LRFN2: variants seen among roughly 807,000 people sequenced by gnomAD.
The protein encoded by LRFN2 is leucine-rich repeat and fibronectin type-III domain-containing protein 2.
A neutral mutation model predicts 37.3 loss-of-function variants in LRFN2; 18 were observed. That is an observed-to-expected ratio of 0.48 (90% CI 0.33 to 0.72). LRFN2 has a LOEUF of 0.72. LRFN2 is among the 30% of genes least tolerant of loss of function. LRFN2 has a pLI of 0.02. For missense variants in LRFN2, 1,006 were observed against 1,060.7 expected (o/e 0.95, Z 0.72); for synonymous variants, 556 against 466.6 (o/e 1.19, Z -2.47).
chr6:40,405,493 G>A (rs147982709), intron 2 of LRFN2, among the ~76,000 whole-genome samples: 3 of 152,246 alleles, frequency 2.0e-5, no homozygotes, highest in East Asian at 1.9e-4. Flanking sequence ...GTCAGTGCCC[G>A]GCACAGAGTA....
intron 1 of LRFN2, among the ~76,000 whole-genome samples, chr6:40,567,795 T>A (rs2113792609): frequency 6.6e-6 from 1 of 152,198 alleles, no homozygotes; most frequent in East Asian, 1.9e-4. Context: ...TCTGACAGGG[T>A]CAAGGGGCAG....
intron 1 of LRFN2, among the ~76,000 whole-genome samples, chr6:40,524,670 G>T (rs545558641): frequency 1.3e-5 from 2 of 152,204 alleles, no homozygotes; most frequent in East Asian, 3.9e-4. Flanking sequence ...CTTTCTTTTT[G>T]TCTTTAAAGG....
intron 1 of LRFN2, among the ~76,000 whole-genome samples, chr6:40,501,288 C>G (rs576109608): frequency 4.6e-5 from 7 of 151,862 alleles, no homozygotes; most frequent in African/African-American, 1.7e-4. Flanking sequence ...TCTTTTTACC[C>G]TTGCCTGCAC....
intron 1 of LRFN2, among the ~76,000 whole-genome samples, chr6:40,467,166 A>AGATGATGATGAT (rs35088407): frequency 1.8e-4 from 27 of 148,674 alleles, no homozygotes; most frequent in African/African-American, 2.5e-4. Flanking sequence ...AAGTTGAATG[A>AGATGATGATGAT]GATGATGATG....
Position 40,432,628 on chromosome 6 carries a change from A to G in LRFN2, c.486T>C (p.His162=), listed in dbSNP as rs780904573. Residue 162 remains histidine, a synonymous_variant, in exon 2 of 3, where the codon CAT becomes CAC. Coordinates refer to ENST00000338305, the MANE Select transcript of LRFN2 (RefSeq NM_020737.3). The part of the protein sequence containing the change: ...EDLDLSYNNL[H]GLPWDSVRRM... ...GTCGCACGGAGTCCCACGGCAGGCC[A>G]TGGAGGTTGTTGTAGGAGAGGTCCA... The G allele has an allele frequency of 3.7e-6, 6 of 1,614,204 alleles. No individual in the cohort carries two copies. The South Asian group carries it at 6.6e-5, about 18-fold the overall frequency.
At chr6:40,436,412 C>T (rs11758872) in intron 1 of LRFN2, among the ~76,000 whole-genome samples, 10,799 of 152,280 alleles carry the variant, frequency 0.071, 596 homozygotes, top group Admixed American at 0.17. Flanking sequence ...CTGCATATAA[C>T]ACATGGCACT....
chr6:40,557,245 T>C (rs73732751), intron 1 of LRFN2, among the ~76,000 whole-genome samples: 3,163 of 152,248 alleles, frequency 0.021, 128 homozygotes, highest in African/African-American at 0.071. Flanking sequence ...AAGCAGAAGA[T>C]ACAAACCAGC....
intron 1 of LRFN2, among the ~76,000 whole-genome samples, chr6:40,497,031 TG>T (rs1174847836): frequency 1.3e-5 from 2 of 152,192 alleles, no homozygotes; most frequent in Non-Finnish European, 2.9e-5. Context: ...TTGCAATCTA[TG>T]GTGCACCATG....
At chr6:40,518,037 C>T (rs2235704) in intron 1 of LRFN2, among the ~76,000 whole-genome samples, 11,911 of 152,140 alleles carry the variant, frequency 0.078, 546 homozygotes, top group South Asian at 0.11. Context: ...GCCCTGTGCA[C>T]GGCTTGAACA....
At chr6:40,576,851 C>T (rs1392619530) in intron 1 of LRFN2, among the ~76,000 whole-genome samples, 3 of 152,062 alleles carry the variant, frequency 2.0e-5, no homozygotes, top group African/African-American at 7.2e-5. Context: ...TTGCTGCTGT[C>T]TCATTCTGGT....
intron 1 of LRFN2, among the ~76,000 whole-genome samples, chr6:40,495,366 C>T (rs1021198475): frequency 6.6e-6 from 1 of 152,122 alleles, no homozygotes; most frequent in Non-Finnish European, 1.5e-5. Flanking sequence ...CCTTTGACAC[C>T]ATGTTGGCTT....
chr6:40,555,086 G>C (rs1265117312), intron 1 of LRFN2, among the ~76,000 whole-genome samples: 4 of 152,106 alleles, frequency 2.6e-5, no homozygotes, highest in Non-Finnish European at 2.9e-5. Context: ...CTTTTCCCTG[G>C]GTAAGATGTT....
At chr6:40,442,972 C>T (rs1028296246) in intron 1 of LRFN2, among the ~76,000 whole-genome samples, 2 of 152,192 alleles carry the variant, frequency 1.3e-5, no homozygotes, top group African/African-American at 4.8e-5. Context: ...TGTGGTGTAA[C>T]ATCACCCATA....
chr6:40,470,607 T>C (rs115846867), intron 1 of LRFN2, among the ~76,000 whole-genome samples: 2,557 of 134,170 alleles, frequency 0.019, 31 homozygotes, highest in East Asian at 0.027. Context: ...AGACTCTGTC[T>C]CAAAAAAAAA....
At chr6:40,549,023 A>C (rs417399) in intron 1 of LRFN2, among the ~76,000 whole-genome samples, 93,738 of 151,980 alleles carry the variant, frequency 0.62, 29,923 homozygotes, top group African/African-American at 0.78. Flanking sequence ...GAATTTGGTA[A>C]CAGAATTGGG....
intron 2 of LRFN2, among the ~76,000 whole-genome samples, chr6:40,398,784 C>A (rs1455352019): frequency 1.3e-5 from 2 of 151,902 alleles, no homozygotes; most frequent in Admixed American, 1.3e-4. Context: ...TAAGTGGCTG[C>A]CTCTGGATTG....
At chr6:40,562,991 G>C (rs1767028277) in intron 1 of LRFN2, among the ~76,000 whole-genome samples, 2 of 152,112 alleles carry the variant, frequency 1.3e-5, no homozygotes, top group South Asian at 4.1e-4. Flanking sequence ...GTGTGTGTCT[G>C]TGCATGGGAG....
chr6:40,437,296 A>G (rs542324378), intron 1 of LRFN2, among the ~76,000 whole-genome samples: 1 of 152,270 alleles, frequency 6.6e-6, no homozygotes, highest in African/African-American at 2.4e-5. Flanking sequence ...TCTGTGCAAT[A>G]TAGATGGACT....
At chr6:40,508,388 C>G (rs1765601644) in intron 1 of LRFN2, among the ~76,000 whole-genome samples, 1 of 152,188 alleles carries the variant, frequency 6.6e-6, no homozygotes, top group African/African-American at 2.4e-5. Flanking sequence ...TCTTTCCTTC[C>G]TCTGCTCATG....
Sources: allele counts gnomAD v4.1 joint callset (sites outside exome capture counted in the v4.1 genomes callset), GRCh38; gene constraint gnomAD v4.1.1; transcripts MANE v1.5; gene names NCBI Gene and HGNC (gene_info 2026-07-23, HGNC 2026-07-21).